The following ALG12 variants were observed in gnomAD, a reference collection of about 807,000 sequenced individuals.
ALG12 encodes the protein dol-P-Man:Man(7)GlcNAc(2)-PP-Dol alpha-1,6-mannosyltransferase.
A neutral mutation model predicts 46.0 loss-of-function variants in ALG12; 36 were observed. That is an observed-to-expected ratio of 0.78 (90% CI 0.60 to 1.03). The LOEUF (loss-of-function observed/expected upper bound fraction) is 1.03, where lower values mean the gene tolerates loss of function less well. Among genes scored for constraint, ALG12 ranks in the 50% least tolerant of loss-of-function variants. The pLI is 0.00. For synonymous variants in ALG12, 326 were observed against 291.6 expected (o/e 1.12, Z -1.20); for missense variants, 599 against 633.5 (o/e 0.95, Z 0.58).
At chr22:49,859,802 G>A in the ALG12 span, among the ~76,000 whole-genome samples, 4 of 152,218 alleles carry the variant, frequency 2.6e-5, no homozygotes, top group Non-Finnish European at 5.9e-5. Flanking sequence ...GAGGTGGGGA[G>A]ACCACTTGAG....
At chr22:49,887,465 G>A in the ALG12 span, 1 of 299,240 alleles carries the variant, frequency 3.3e-6, no homozygotes, top group Non-Finnish European at 6.6e-6. Flanking sequence ...TTAAAGTTTT[G>A]GGTTAGTAAT....
At chr22:49,907,987 A>G in intron 6 of ALG12, 43 bp from the exon 7 acceptor site, 1 of 1,588,636 alleles carries the variant, frequency 6.3e-7, no homozygotes, top group South Asian at 1.1e-5. Flanking sequence ...TCCACGCATG[A>G]GCCCGTGGGC....
chr22:49,875,944 CTTT>C, the ALG12 span, among the ~76,000 whole-genome samples: 2 of 146,704 alleles, frequency 1.4e-5, no homozygotes, highest in Non-Finnish European at 3.0e-5. Context: ...GATTTTTTTT[CTTT>C]TTTTTTTATT....
chr22:49,877,613 G>C, the ALG12 span, among the ~76,000 whole-genome samples: 1 of 151,960 alleles, frequency 6.6e-6, no homozygotes, highest in African/African-American at 2.4e-5. Flanking sequence ...CTTTATTTGG[G>C]TATAATTGAT....
At chr22:49,862,206 G>A in the ALG12 span, among the ~76,000 whole-genome samples, 1 of 152,268 alleles carries the variant, frequency 6.6e-6, no homozygotes, top group Non-Finnish European at 1.5e-5. Flanking sequence ...GGTTGGCCCT[G>A]TGCGTGGAAC....
At chr22:49,860,330 T>C in the ALG12 span, among the ~76,000 whole-genome samples, 7 of 152,094 alleles carry the variant, frequency 4.6e-5, no homozygotes, top group Admixed American at 3.9e-4. Flanking sequence ...AAAAAATACA[T>C]ATATATAGTT....
At chr22:49,869,649 T>C in the ALG12 span, among the ~76,000 whole-genome samples, 2 of 152,216 alleles carry the variant, frequency 1.3e-5, no homozygotes, top group Non-Finnish European at 1.5e-5. Context: ...TTGGTTTTTT[T>C]CTTAAAATAG....
the ALG12 span, among the ~76,000 whole-genome samples, chr22:49,864,875 G>T: frequency 7.4e-6 from 1 of 135,490 alleles, no homozygotes; most frequent in Non-Finnish European, 1.5e-5. Flanking sequence ...GAAAGATTGC[G>T]AGTCAAACCA....
intron 1 of ALG12, among the ~76,000 whole-genome samples, chr22:49,915,588 A>T (rs1251307086): frequency 2.0e-5 from 3 of 152,176 alleles, no homozygotes; most frequent in Admixed American, 6.5e-5. Flanking sequence ...AAAAAAATTT[A>T]AAAAAATAAA....
In ALG12 at chr22:49,912,069, T is replaced by TGGCCCCGGGATCACCCTC. The variant is rs1234372466; in HGVS notation, c.295+1298_295+1315dup. Among the ~76,000 whole-genome samples the TGGCCCCGGGATCACCCTC allele has an allele frequency of 3.4e-5, 3 of 88,808 alleles. No homozygotes were observed. The East Asian group carries it at 7.6e-4, about 23-fold the overall frequency. 58.3% of individuals were successfully genotyped at this position (88,808 alleles called of 152,430 possible). On this transcript the variant is annotated intron_variant, in intron 3 of 9. Transcript: ENST00000330817. Reference sequence around the variant, plus strand: ...ATCAGCCTCGGCCGCGGGATCAGCCTGGCCCCGGGATCACCCTCGGCCCCG... The same window carrying TGGCCCCGGGATCACCCTC: ...ATCAGCCTCGGCCGCGGGATCAGCCTGGCCCCGGGATCACCCTCGGCCCCGGGATCACCCTCGGCCCCG...
downstream of ALG12, among the ~76,000 whole-genome samples, chr22:49,897,274 C>T (rs906878974): frequency 1.3e-5 from 2 of 152,202 alleles, no homozygotes; most frequent in African/African-American, 4.8e-5. Flanking sequence ...TATGAATACA[C>T]CTGCTATGAA....
At chr22:49,864,773 A>G in the ALG12 span, among the ~76,000 whole-genome samples, 1 of 127,134 alleles carries the variant, frequency 7.9e-6, no homozygotes, top group Non-Finnish European at 1.6e-5. Flanking sequence ...GTGAGCTGAG[A>G]TTGTGTACTG....
chr22:49,880,910 T>C, the ALG12 span, among the ~76,000 whole-genome samples: 11 of 152,222 alleles, frequency 7.2e-5, no homozygotes, highest in Admixed American at 2.0e-4. Flanking sequence ...CAGCAGTGTT[T>C]TGCAGCTTTC....
At position 49,907,891 on chromosome 22, in the gene ALG12, G is replaced by A. The variant is rs757984807; in HGVS notation, c.822C>T (p.Cys274=). 6.8e-6 allele frequency: 11 copies of A among 1,613,646 alleles called. No individual in the cohort carries two copies. The African/African-American group carries it at 1.5e-4, about 22-fold the overall frequency. ...FYSALPRGLG[C]SLLFIPLGLV... ...AGCCCAGGGGGATGAAGAGCAGGCT[G>A]CAGCCCAGGCCGCGGGGCAGGGCTG... is the stretch of plus-strand genomic sequence containing the variant. Residue 274 remains cysteine (C), a synonymous_variant, in exon 7 of 10, where the codon TGC becomes TGT. Coordinates refer to ENST00000330817, the MANE Select transcript of ALG12 (RefSeq NM_024105.4).
the ALG12 span, among the ~76,000 whole-genome samples, chr22:49,881,175 G>A: frequency 6.6e-6 from 1 of 152,114 alleles, no homozygotes; most frequent in East Asian, 1.9e-4. Flanking sequence ...GCGAAACCCC[G>A]TCTCTACTAA....
chr22:49,890,432 G>A, the ALG12 span, among the ~76,000 whole-genome samples: 1 of 152,214 alleles, frequency 6.6e-6, no homozygotes, highest in Non-Finnish European at 1.5e-5. Flanking sequence ...AGAATTGCAG[G>A]CTCTGGGAAT....
the ALG12 span, among the ~76,000 whole-genome samples, chr22:49,868,996 T>C: frequency 6.7e-6 from 1 of 150,372 alleles, no homozygotes; most frequent in Non-Finnish European, 1.5e-5. Flanking sequence ...TGATGGTGTA[T>C]GCCTGTAATC....
At chr22:49,885,923 A>C in the ALG12 span, 1 of 893,964 alleles carries the variant, frequency 1.1e-6, no homozygotes, top group Non-Finnish European at 1.8e-6. Flanking sequence ...GTTTCCTTCG[A>C]GTCGCCAGCC....
At position 49,906,038 on chromosome 22, in the gene ALG12, C is replaced by T. The variant is rs966204801; in HGVS notation, c.993-1532G>A. 6.6e-6 allele frequency among the ~76,000 whole-genome samples: 1 copy of T among 152,144 alleles called. No homozygotes were observed. Among genetic ancestry groups the T allele is most frequent in the Non-Finnish European group, 1.5e-5 (1 of 68,012 alleles). ...GGCCTGCTCTTGCTCCCAGGGTGGC[C>T]GGGCTGAGGACCTGACTTCGGAGGG... On this transcript the variant is annotated intron_variant, in intron 7 of 9. Coordinates refer to ENST00000330817, the MANE Select transcript of ALG12 (RefSeq NM_024105.4). This position sits in a 1 kb window ranked among gnomAD's most constrained non-coding sequence, Gnocchi z 4.4.
Sources: gnomAD v4.1 joint callset for allele counts (sites outside exome capture counted in the v4.1 genomes callset) on GRCh38, gnomAD v4.1.1 for gene constraint, Gnocchi (gnomAD v3.1) non-coding constraint, MANE v1.5 for transcripts, NCBI Gene and HGNC (gene_info 2026-07-23, HGNC 2026-07-21) for gene names.